The following ATP1B1 variants were observed in gnomAD, a reference collection of about 807,000 sequenced individuals.
ATP1B1 encodes the protein ATPase Na+/K+ transporting subunit beta 1, also known as sodium/potassium-transporting ATPase subunit beta-1.
In ATP1B1, 3 loss-of-function variants were observed where a neutral mutation model predicts 39.6. That is an observed-to-expected ratio of 0.08 (90% CI 0.03 to 0.20). The LOEUF is 0.20. Among genes scored for constraint, ATP1B1 ranks in the 10% least tolerant of loss-of-function variants. The pLI is 1.00. For synonymous variants in ATP1B1, 139 were observed against 135.0 expected (o/e 1.03, Z -0.20); for missense variants, 216 against 371.1 (o/e 0.58, Z 3.43).
At chr1:169,113,970 C>CG (rs1342857748) in intron 2 of ATP1B1, among the ~76,000 whole-genome samples, 1 of 151,934 alleles carries the variant, frequency 6.6e-6, no homozygotes, top group Non-Finnish European at 1.5e-5. Flanking sequence ...TGGGGTTTTT[C>CG]GGGGGCCTTT....
intron 3 of ATP1B1, among the ~76,000 whole-genome samples, chr1:169,126,490 TA>T (rs1241209556): frequency 1.3e-5 from 2 of 152,092 alleles, no homozygotes; most frequent in Admixed American, 6.5e-5. Context: ...TGCATAGCTT[TA>T]AAAGGCAGAA....
intron 4 of ATP1B1, among the ~76,000 whole-genome samples, chr1:169,128,829 C>A (rs1658142309): frequency 6.6e-6 from 1 of 152,222 alleles, no homozygotes; most frequent in Non-Finnish European, 1.5e-5. Flanking sequence ...TTTCTTCCCA[C>A]ATCTTTAGAG....
Position 169,127,297 on chromosome 1 carries a change from G to A in ATP1B1, c.456G>A (p.Lys152=). 1 of 1,610,272 alleles carries A rather than the reference G, an allele frequency of 6.2e-7. No homozygotes were observed. The highest frequency in any genetic ancestry group is 1.3e-5 in the African/African-American group (1 of 74,804). Residue 152 remains lysine, a synonymous_variant, in exon 4 of 6, where the codon AAG becomes AAA. Transcript: ENST00000367815. ...ERGERKVCRF[K]LEWLGNCSGL... ...GAGAGCGAAAGGTCTGCAGATTCAA[G>A]CTTGAATGGCTGGGAAATTGCTCTG...
Position 169,110,961 on chromosome 1 carries a change from T to C in ATP1B1, c.98-409T>C, listed in dbSNP as rs529567207. 7.2e-5 allele frequency among the ~76,000 whole-genome samples: 11 copies of C among 152,322 alleles called. No individual in the cohort carries two copies. In the East Asian group the frequency reaches 1.2e-3, roughly 16 times the overall value. Reference sequence around the variant, plus strand: ...AAGGGATATGCAAGCAAAGAAAACATAGGTCTCTAAGGGAGTATACTGTCA... The same window carrying C: ...AAGGGATATGCAAGCAAAGAAAACACAGGTCTCTAAGGGAGTATACTGTCA... On this transcript the variant is annotated intron_variant, in intron 1 of 5. Coordinates refer to ENST00000367815, the MANE Select transcript of ATP1B1 (RefSeq NM_001677.4).
chr1:169,132,148 G>A lies in ATP1B1; in HGVS notation c.*593G>A, dbSNP rs766364889. On this transcript the variant is annotated 3_prime_UTR_variant, in exon 6 of 6. Coordinates refer to ENST00000367815, the MANE Select transcript of ATP1B1 (RefSeq NM_001677.4). ...CTTTATTTTTATTTTTTTCCTGGGG[G>A]CTGGGGTGGGGGTTTGTCATGGGGG... The A allele has an allele frequency of 9.9e-6, 6 of 607,562 alleles. No homozygotes were observed. The highest frequency in any genetic ancestry group is 3.8e-5 in the African/African-American group (2 of 52,692). The allele number at this position is 607,562 out of a possible 1,614,324, so 37.6% of individuals were successfully genotyped here.
intron 1 of ATP1B1, among the ~76,000 whole-genome samples, chr1:169,108,955 T>A (rs1657667883): frequency 6.6e-6 from 1 of 152,224 alleles, no homozygotes. Context: ...TACCGTCTCC[T>A]ACGGAGAAAA....
intron 1 of ATP1B1, 89 bp downstream of exon 1, chr1:169,107,015 A>G (rs1281134077): frequency 3.9e-6 from 5 of 1,286,942 alleles, no homozygotes; most frequent in African/African-American, 1.6e-5. Context: ...CCGGTTCCGC[A>G]CCCACCGCGC....
chr1:169,117,765 C>G (rs904027255), intron 2 of ATP1B1, among the ~76,000 whole-genome samples: 2 of 152,190 alleles, frequency 1.3e-5, no homozygotes, highest in African/African-American at 4.8e-5. Context: ...AATCTGATGA[C>G]CAGCTGGTCT....
chr1:169,128,322 TTTG>T (rs1177516621), intron 4 of ATP1B1, among the ~76,000 whole-genome samples: 1 of 152,238 alleles, frequency 6.6e-6, no homozygotes, highest in Non-Finnish European at 1.5e-5. Context: ...ATCTGGCACT[TTTG>T]TTCATTAATT....
chr1:169,114,140 C>T (rs12354262), intron 2 of ATP1B1, among the ~76,000 whole-genome samples: 2,315 of 113,432 alleles, frequency 0.02, 49 homozygotes, highest in African/African-American at 0.065. Context: ...TGAGGACCCT[C>T]CTTGGCATTT....
In ATP1B1 at chr1:169,131,025, G is replaced by A. The variant is rs116579659; in HGVS notation, c.649-267G>A. 2.1e-3 allele frequency among the ~76,000 whole-genome samples: 314 copies of A among 152,264 alleles called. No homozygotes were observed. Among genetic ancestry groups the A allele is most frequent in the African/African-American group, 6.9e-3 (288 of 41,548 alleles). On this transcript the variant is annotated intron_variant, in intron 5 of 5. Transcript: ENST00000367815. This position sits in a 1 kb window ranked among gnomAD's most constrained non-coding sequence, Gnocchi z 4.4. ...GATTATTTACTGGGCCAACAGCAAG[G>A]TGTTTCTGCCTTTCAATGTTGGCCT...
Position 169,130,034 on chromosome 1 carries a change from A to T in ATP1B1, c.592A>T (p.Thr198Ser). 1.2e-6 allele frequency: 2 copies of T among 1,614,044 alleles called. No homozygotes were observed. Among genetic ancestry groups the T allele is most frequent in the Non-Finnish European group, 1.7e-6 (2 of 1,179,990 alleles). ...GCCTCCCAAGAATGAGTCCTTGGAG[A>T]CTTACCCAGTGATGAAGTATAACCC... The part of the protein sequence containing the change: ...PKPPKNESLE[T>S]YPVMKYNPNV... Residue 198 changes from threonine (T) to serine (S), a missense_variant, in exon 5 of 6, where the codon ACT (threonine) becomes TCT (serine). Transcript: ENST00000367815.
At position 169,125,011 on chromosome 1, in the gene ATP1B1, G is replaced by A. The variant is rs2101789429; in HGVS notation, c.354G>A (p.Arg118=). ...AAAAGTACAAAGATTCAGCCCAGAG[G>A]GATGACATGATTTTTGAAGATTGTG... is the stretch of plus-strand genomic sequence containing the variant. ...FLEKYKDSAQ[R]DDMIFEDCGD... The change falls in exon 3 of 6, where the codon AGG becomes AGA. Residue 118 remains arginine (R), a synonymous_variant. Coordinates refer to ENST00000367815, the MANE Select transcript of ATP1B1 (RefSeq NM_001677.4). The A allele has an allele frequency of 6.2e-7, 1 of 1,612,842 alleles. No individual in the cohort carries two copies. Among genetic ancestry groups the A allele is most frequent in the South Asian group, 1.1e-5 (1 of 90,794 alleles).
At position 169,132,646 on chromosome 1, in the gene ATP1B1, G is replaced by A. The variant is rs1557954989; in HGVS notation, c.*1091G>A. 1 of 707,680 alleles carries A rather than the reference G, an allele frequency of 1.4e-6. No homozygotes were observed. Among genetic ancestry groups the A allele is most frequent in the Non-Finnish European group, 2.3e-6 (1 of 429,054 alleles). The allele number at this position is 707,680 out of a possible 1,614,324, so 43.8% of individuals were successfully genotyped here. A position where few individuals can be genotyped will look rare whatever the true frequency, so the allele number is the denominator to read the frequency against. On this transcript the variant is annotated 3_prime_UTR_variant, in exon 6 of 6. Coordinates refer to ENST00000367815, the MANE Select transcript of ATP1B1 (RefSeq NM_001677.4). ...CCATGTTCTAACATATGTAATAATTGCCAGGAGTACAGTGCTCTTGTTGAT... is the reference window on the plus strand; with the variant it reads ...CCATGTTCTAACATATGTAATAATTACCAGGAGTACAGTGCTCTTGTTGAT...
chr1:169,120,950 C>CTTTTTTTTTTTTTTTTTTT (rs5778600), intron 2 of ATP1B1, among the ~76,000 whole-genome samples: 1 of 134,862 alleles, frequency 7.4e-6, no homozygotes, highest in Non-Finnish European at 1.6e-5. Context: ...CTTTTCTTTT[C>CTTTTTTTTTTTTTTTTTTT]TTTTTTTTTT....
intron 1 of ATP1B1, among the ~76,000 whole-genome samples, chr1:169,109,602 C>T (rs547639956): frequency 6.6e-6 from 1 of 152,298 alleles, no homozygotes; most frequent in African/African-American, 2.4e-5. Context: ...GGCGTACTTG[C>T]AAAATGACTT....
At chr1:169,127,127 T>C (rs1658103990) in intron 3 of ATP1B1, 97 bp from the exon 4 acceptor site, 2 of 1,323,876 alleles carry the variant, frequency 1.5e-6, no homozygotes, top group Non-Finnish European at 2.0e-6. Context: ...TAGCGTACTC[T>C]CAGAATAGGT....
chr1:169,122,129 T>C (rs1282711198), intron 2 of ATP1B1, among the ~76,000 whole-genome samples: 1 of 152,244 alleles, frequency 6.6e-6, no homozygotes, highest in Non-Finnish European at 1.5e-5. Context: ...ACCTCCTGCC[T>C]GAGCGATGCA....
intron 4 of ATP1B1, among the ~76,000 whole-genome samples, chr1:169,128,185 T>G (rs977016907): frequency 1.3e-5 from 2 of 152,206 alleles, no homozygotes; most frequent in Non-Finnish European, 2.9e-5. Context: ...TAAGCCTGGC[T>G]TCTTCTGGCA....
Sources: gnomAD v4.1 joint callset for allele counts (sites outside exome capture counted in the v4.1 genomes callset) on GRCh38, gnomAD v4.1.1 for gene constraint, Gnocchi (gnomAD v3.1) non-coding constraint, MANE v1.5 for transcripts, NCBI Gene and HGNC (gene_info 2026-07-23, HGNC 2026-07-21) for gene names.